The following CFAP20DC variants were observed in gnomAD, a reference collection of about 807,000 sequenced individuals.
CFAP20DC encodes protein CFAP20DC.
A neutral mutation model predicts 101.7 loss-of-function variants in CFAP20DC; 84 were observed. That is an observed-to-expected ratio of 0.83 (90% CI 0.69 to 0.99). The LOEUF is 0.99. Ranked by LOEUF, CFAP20DC falls within the 50% of genes least tolerant of loss-of-function variation. The pLI, the probability that CFAP20DC is intolerant of heterozygous loss-of-function variation, is 0.00. For missense variants in CFAP20DC, 1,007 were observed against 970.3 expected, an observed-to-expected ratio of 1.04 and a Z score of -0.50; for synonymous variants, 359 against 351.2, an observed-to-expected ratio of 1.02 and a Z score of -0.25.
downstream of CFAP20DC, chr3:58,741,970 GAA>G: frequency 1.7e-6 from 1 of 577,522 alleles, no homozygotes; most frequent in South Asian, 7.6e-5. Flanking sequence ...TTCTGGAAAA[GAA>G]AGTGGGGTGA....
rs557092802 is a variant in CFAP20DC at position 59,016,447 on chromosome 3, G to A, written c.278+23110C>T. ...AAAACTACAGCTAGATAGGAGAAAT[G>A]AGTTTTGGTGTTTTGTGGCACTGTA... On this transcript the variant is annotated intron_variant, in intron 4 of 16. Transcript: ENST00000482387. Among the ~76,000 whole-genome samples, 9 of 152,160 alleles carry A rather than the reference G, an allele frequency of 5.9e-5. No homozygotes were observed. The South Asian group carries it at 1.7e-3, about 28-fold the overall frequency.
chr3:58,927,738 G>A (rs2086142406), intron 5 of CFAP20DC, among the ~76,000 whole-genome samples: 1 of 152,166 alleles, frequency 6.6e-6, no homozygotes, highest in African/African-American at 2.4e-5. Flanking sequence ...ACAGAGAACT[G>A]GGGCCAATAC....
chr3:58,929,532 G>A (rs2086354876), intron 5 of CFAP20DC, among the ~76,000 whole-genome samples: 1 of 152,102 alleles, frequency 6.6e-6, no homozygotes, highest in Non-Finnish European at 1.5e-5. Flanking sequence ...TGTCTTAAAT[G>A]GTTTAACTTC....
chr3:58,902,052 G>C (rs771229348), intron 6 of CFAP20DC, among the ~76,000 whole-genome samples: 9 of 152,162 alleles, frequency 5.9e-5, no homozygotes, highest in Non-Finnish European at 8.8e-5. Context: ...CACTGAGCAT[G>C]TTTTGGAGGT....
intron 4 of CFAP20DC, among the ~76,000 whole-genome samples, chr3:58,941,940 C>A (rs941552185): frequency 6.6e-6 from 1 of 152,164 alleles, no homozygotes; most frequent in African/African-American, 2.4e-5. Flanking sequence ...TATACCCTTG[C>A]TTTATTCCCA....
In CFAP20DC at chr3:58,913,589, A is replaced by C. The variant is rs888952102; in HGVS notation, c.550+119T>G. The C allele has an allele frequency of 1.0e-6, 1 of 989,988 alleles. No homozygotes were observed. Among genetic ancestry groups the C allele is most frequent in the African/African-American group, 1.6e-5 (1 of 62,124 alleles). The allele number at this position is 989,988 out of a possible 1,614,324, so 61.3% of individuals were successfully genotyped here. ...AAGAAATCAGCATGACTGTTGACAA[A>C]TTTACTTTAGCAGACATAACATCAA... On this transcript the variant is annotated intron_variant, in intron 6 of 16. Coordinates refer to ENST00000482387, the MANE Select transcript of CFAP20DC (RefSeq NM_001394063.1). This position sits in a 1 kb window ranked among gnomAD's most constrained non-coding sequence, Gnocchi z 4.4.
rs1029971092 is a variant in CFAP20DC, at chr3:58,861,989, T to G, written c.1593+1569A>C. ...AAAGAAAGCATTAAGTGATATCAAATTAAAATATTCAGAGCTAGTATTCTT... is the reference window on the plus strand; with the variant it reads ...AAAGAAAGCATTAAGTGATATCAAAGTAAAATATTCAGAGCTAGTATTCTT... On this transcript the variant is annotated intron_variant, in intron 12 of 16. Transcript: ENST00000482387. The surrounding 1 kb of genome is among the most constrained non-coding windows in gnomAD (Gnocchi z 4.0). 5.5e-5 allele frequency: 54 copies of G among 985,212 alleles called. No individual in the cohort carries two copies. Among genetic ancestry groups the G allele is most frequent in the Non-Finnish European group, 6.5e-5 (54 of 829,830 alleles). The allele number at this position is 985,212 out of a possible 1,614,324, so 61.0% of individuals were successfully genotyped here.
chr3:58,786,619 C>T (rs922540601), intron 15 of CFAP20DC, among the ~76,000 whole-genome samples: 3 of 151,858 alleles, frequency 2.0e-5, no homozygotes, highest in South Asian at 2.1e-4. Flanking sequence ...TCAGATCGTC[C>T]GTGATAGTAT....
At chr3:58,915,547 G>A (rs2084596550) in intron 5 of CFAP20DC, among the ~76,000 whole-genome samples, 1 of 152,010 alleles carries the variant, frequency 6.6e-6, no homozygotes, top group South Asian at 2.1e-4. Context: ...CCTATCATGT[G>A]TTAGACTCTG....
chr3:58,742,012 T>C lies in CFAP20DC; in HGVS notation c.*448A>G. 8.8e-6 allele frequency: 8 copies of C among 910,880 alleles called. No homozygotes were observed. The highest frequency in any genetic ancestry group is 1.1e-5 in the Non-Finnish European group (8 of 761,620). The allele number at this position is 910,880 out of a possible 1,614,324, so 56.4% of individuals were successfully genotyped here. The stretch of plus-strand genomic sequence containing the variant: ...AAAGAAGCAGTTTAAAAGCTATTCT[T>C]CTTACCATCATACTTTATTTTTAAT... On this transcript the variant is annotated 3_prime_UTR_variant, in exon 17 of 17. Transcript: ENST00000482387.
rs557880680 is a variant in CFAP20DC at position 59,026,233 on chromosome 3, C to T, written c.278+13324G>A. 4.6e-5 allele frequency among the ~76,000 whole-genome samples: 7 copies of T among 152,108 alleles called. No individual in the cohort carries two copies. In the East Asian group the frequency reaches 5.8e-4, roughly 13 times the overall value. ...AGAAATTGAAATTAGCCACGAGATG[C>T]GTTCAAAATATTAATGAAATGTTAT... On this transcript the variant is annotated intron_variant, in intron 4 of 16. Transcript: ENST00000482387.
At chr3:58,932,599 A>G (rs1043995497) in intron 5 of CFAP20DC, among the ~76,000 whole-genome samples, 23 of 152,210 alleles carry the variant, frequency 1.5e-4, no homozygotes, top group Admixed American at 8.5e-4. Context: ...ACAAGCCAGA[A>G]GAGAGTGGGG....
chr3:58,780,583 A>G (rs753357344), intron 15 of CFAP20DC, among the ~76,000 whole-genome samples: 6 of 152,070 alleles, frequency 3.9e-5, no homozygotes, highest in Non-Finnish European at 8.8e-5. Context: ...GACTGAAAAT[A>G]AAGGGATGAA....
chr3:58,959,708 C>T (rs2090968715), intron 4 of CFAP20DC, among the ~76,000 whole-genome samples: 1 of 152,088 alleles, frequency 6.6e-6, no homozygotes, highest in Non-Finnish European at 1.5e-5. Flanking sequence ...AATTTTGCCA[C>T]CTTTGTTGTT....
chr3:58,978,161 C>A (rs1022832049), intron 4 of CFAP20DC, among the ~76,000 whole-genome samples: 2 of 152,004 alleles, frequency 1.3e-5, no homozygotes, highest in African/African-American at 4.8e-5. Flanking sequence ...TCATTAGCAC[C>A]CTACCATTTA....
At chr3:59,039,749 T>C in intron 3 of CFAP20DC, 120 bp from the exon 4 acceptor site, 1 of 550,014 alleles carries the variant, frequency 1.8e-6, no homozygotes, top group Non-Finnish European at 3.1e-6. Context: ...TACATAGAAC[T>C]GCAAATAGCA....
chr3:58,993,139 A>G (rs1209958072), intron 4 of CFAP20DC, among the ~76,000 whole-genome samples: 6 of 152,236 alleles, frequency 3.9e-5, no homozygotes, highest in Non-Finnish European at 7.3e-5. Context: ...CACAGAGGAA[A>G]AAATGAAATA....
intron 16 of CFAP20DC, among the ~76,000 whole-genome samples, chr3:58,750,237 TC>T (rs2068473892): frequency 6.6e-6 from 1 of 152,172 alleles, no homozygotes; most frequent in Admixed American, 6.5e-5. Context: ...GGGCAAGTTT[TC>T]TAGAATTATG....
intron 15 of CFAP20DC, among the ~76,000 whole-genome samples, chr3:58,797,141 T>C (rs1471138211): frequency 3.9e-5 from 6 of 152,160 alleles, no homozygotes; most frequent in Admixed American, 2.0e-4. Context: ...CACGTGTCTC[T>C]CACTTTCAAT....
Sources: allele counts gnomAD v4.1 joint callset (sites outside exome capture counted in the v4.1 genomes callset), GRCh38; gene constraint gnomAD v4.1.1; non-coding constraint Gnocchi (gnomAD v3.1); transcripts MANE v1.5; gene names NCBI Gene and HGNC (gene_info 2026-07-23, HGNC 2026-07-21).